Variants in MGAM observed in about 807,000 individuals in gnomAD.
MGAM encodes the protein alpha-1,4-glucosidase.
Under a neutral mutation model 358.8 loss-of-function variants are expected in MGAM, and 253 were observed. That is an observed-to-expected ratio of 0.71 (90% CI 0.64 to 0.78). The LOEUF (loss-of-function observed/expected upper bound fraction) is 0.78, where lower values mean the gene tolerates loss of function less well. Among genes scored for constraint, MGAM ranks in the 30% least tolerant of loss-of-function variants. MGAM has a pLI of 0.00. For synonymous variants in MGAM, 1,105 were observed against 1,227.1 expected, an observed-to-expected ratio of 0.90 and a Z score of 2.08; for missense variants, 3,080 against 3,432.6, an observed-to-expected ratio of 0.90 and a Z score of 2.57.
intron 45 of MGAM, among the ~76,000 whole-genome samples, chr7:142,074,545 G>C (rs1445754121): frequency 8.2e-6 from 1 of 122,126 alleles, no homozygotes; most frequent in African/African-American, 4.0e-5. Flanking sequence ...CTGCCAGTGA[G>C]GCAGTGAGAA....
chr7:142,017,000 A>G (rs1806025232), intron 3 of MGAM, among the ~76,000 whole-genome samples: 1 of 152,220 alleles, frequency 6.6e-6, no homozygotes, highest in Non-Finnish European at 1.5e-5. Context: ...TTTAAATGTA[A>G]TCTGACTATC....
chr7:142,088,652 G>GTCTATCTATCTA (rs1343995797), intron 57 of MGAM, among the ~76,000 whole-genome samples: 2 of 114,776 alleles, frequency 1.7e-5, no homozygotes. Flanking sequence ...CTTTCTATCT[G>GTCTATCTATCTA]TCTGTCTATC....
chr7:142,050,502 T>C (rs897719811), intron 23 of MGAM, among the ~76,000 whole-genome samples, 195 bp from the exon 24 acceptor site: 1 of 152,204 alleles, frequency 6.6e-6, no homozygotes, highest in African/African-American at 2.4e-5. Flanking sequence ...TAAATGCCTG[T>C]GTGTTTTTAT....
At chr7:142,035,440 A>G (rs1807900472) in intron 16 of MGAM, among the ~76,000 whole-genome samples, 1 of 152,214 alleles carries the variant, frequency 6.6e-6, no homozygotes, top group African/African-American at 2.4e-5. Flanking sequence ...GTTAAATGTT[A>G]TGGGAGATCC....
intron 47 of MGAM, among the ~76,000 whole-genome samples, chr7:142,077,441 T>G (rs1024109788): frequency 6.2e-5 from 9 of 145,362 alleles, no homozygotes; most frequent in Non-Finnish European, 6.2e-5. Context: ...TGTGATTTTA[T>G]TACTCCAGAC....
rs757768905 is a variant in MGAM at position 142,085,947 on chromosome 7, G to T, written c.6622G>T (p.Val2208Phe). The change falls in exon 55 of 71, where the codon GTC becomes TTC. Residue 2208 changes from valine to phenylalanine, a missense_variant. Around this residue, in one of 5 missense-constraint regions of MGAM, gnomAD observed 932 missense variants for 1,198.2 expected, o/e 0.78. Coordinates refer to ENST00000475668, the MANE Select transcript of MGAM (RefSeq NM_001365693.1). ...INRMKADGMR[V>F]ILILDPAISG... ...TCGCATGAAGGCTGATGGGATGCGGGTCATCCTCATTCTGGTTAGTCCTGA... is the reference window on the plus strand; with the variant it reads ...TCGCATGAAGGCTGATGGGATGCGGTTCATCCTCATTCTGGTTAGTCCTGA... 6 of 1,565,932 alleles carry T rather than the reference G, an allele frequency of 3.8e-6. 1 individual carries two copies. The South Asian group carries it at 6.7e-5, about 18-fold the overall frequency.
chr7:142,056,605 G>A (rs1429914413), intron 29 of MGAM, among the ~76,000 whole-genome samples: 1 of 152,118 alleles, frequency 6.6e-6, no homozygotes, highest in East Asian at 1.9e-4. Flanking sequence ...TTTTATAAGA[G>A]TAGAATGATA....
At position 142,013,798 on chromosome 7, in the gene MGAM, T is replaced by C. The variant is rs538415046; in HGVS notation, c.327+5093T>C. 2.0e-5 allele frequency among the ~76,000 whole-genome samples: 3 copies of C among 152,326 alleles called. No individual in the cohort carries two copies. In the South Asian group the frequency reaches 6.2e-4, roughly 32 times the overall value. The stretch of plus-strand genomic sequence containing the variant: ...TTCTTCTCTCTACCCATTACACTGG[T>C]CAGCCCACAAGCACCTGGGGCTTCT... On this transcript the variant is annotated intron_variant, in intron 3 of 70. Coordinates refer to ENST00000475668, the MANE Select transcript of MGAM (RefSeq NM_001365693.1).
At chr7:141,992,052 G>T (rs1554447466), upstream of MGAM, among the ~76,000 whole-genome samples, 1 of 152,130 alleles carries the variant, frequency 6.6e-6, no homozygotes, top group Admixed American at 6.5e-5. Flanking sequence ...ATTTGGGGTC[G>T]AATGAGAGAT....
chr7:142,033,372 G>C (rs1456253144), intron 14 of MGAM, among the ~76,000 whole-genome samples: 1 of 152,186 alleles, frequency 6.6e-6, no homozygotes, highest in Non-Finnish European at 1.5e-5. Flanking sequence ...GTCAGTGAAC[G>C]TGATGATACT....
In MGAM at chr7:142,090,104, A is replaced by G. The variant is rs569409889; in HGVS notation, c.6811-1809A>G. ...CCTGAGGCCCAGTGTGTGGGTGGTT[A>G]TATCACTGTTTGAAGACTGGAGAAA... On this transcript the variant is annotated intron_variant, in intron 57 of 70. Coordinates refer to ENST00000475668, the MANE Select transcript of MGAM (RefSeq NM_001365693.1). Among the ~76,000 whole-genome samples, 3 of 146,410 alleles carry G rather than the reference A, an allele frequency of 2.0e-5. 1 individual carries two copies. In the South Asian group the frequency reaches 6.6e-4, roughly 32 times the overall value.
chr7:142,074,268 T>A lies in MGAM; in HGVS notation c.5275+95T>A. 7 of 926,944 alleles carry A rather than the reference T, an allele frequency of 7.6e-6. 1 individual carries two copies. The highest frequency in any genetic ancestry group is 4.2e-4 in the Middle Eastern group (2 of 4,706). 57.4% of individuals were successfully genotyped at this position (926,944 alleles called of 1,614,324 possible). A position where few individuals can be genotyped will look rare whatever the true frequency, so the allele number is the denominator to read the frequency against. ...TGGTCATTCAGCTGTGGGAGAAATC[T>A]CAGCAGGCACAGTAGCAAGAGTCAC... is the stretch of plus-strand genomic sequence containing the variant. On this transcript the variant is annotated intron_variant, in intron 45 of 70. Coordinates refer to ENST00000475668, the MANE Select transcript of MGAM (RefSeq NM_001365693.1).
At chr7:142,052,527 C>T (rs1811094231) in intron 25 of MGAM, 81 bp downstream of exon 25, 2 of 1,537,056 alleles carry the variant, frequency 1.3e-6, no homozygotes, top group African/African-American at 1.4e-5. Context: ...GTGGTACTTA[C>T]ATAACTACTT....
chr7:141,998,242 C>CT (rs1166295714), intron 1 of MGAM, among the ~76,000 whole-genome samples: 2 of 151,994 alleles, frequency 1.3e-5, no homozygotes, highest in Non-Finnish European at 2.9e-5. Flanking sequence ...AGTAATAATT[C>CT]TTTTTTTAAA....
chr7:142,065,368 C>T lies in MGAM; in HGVS notation c.4518C>T (p.Val1506=), dbSNP rs1035095463. 9.3e-6 allele frequency: 15 copies of T among 1,610,390 alleles called. No homozygotes were observed. The highest frequency in any genetic ancestry group is 1.7e-4 in the Middle Eastern group (1 of 6,002). The stretch of plus-strand genomic sequence containing the variant: ...AGGAGGTGACGGGACAGCGAGGGGT[C>T]GTCATCACCCGCTCCACATTTCCCT... ...AVQEVTGQRG[V]VITRSTFPSS... The change falls in exon 38 of 71, where the codon GTC becomes GTT. Residue 1506 remains valine (V), a synonymous_variant. Transcript: ENST00000475668.
chr7:142,034,194 T>TG (rs2129006154), intron 14 of MGAM, 68 bp from the exon 15 acceptor site: 1 of 1,154,786 alleles, frequency 8.7e-7, no homozygotes, highest in African/African-American at 1.5e-5. Context: ...TCATTTCGGA[T>TG]TGTGATAGTC....
intron 1 of MGAM, among the ~76,000 whole-genome samples, chr7:141,998,105 C>A (rs1163530387): frequency 6.6e-6 from 1 of 152,076 alleles, no homozygotes; most frequent in Non-Finnish European, 1.5e-5. Flanking sequence ...AATTTGGGCC[C>A]CCATGTGGTT....
At chr7:142,045,407 A>G (rs929030279) in intron 21 of MGAM, among the ~76,000 whole-genome samples, 11 of 109,380 alleles carry the variant, frequency 1.0e-4, no homozygotes, top group African/African-American at 3.7e-4. Context: ...TATATTATAT[A>G]TATTATATAT....
rs777818988 is a variant in MGAM, at chr7:142,056,922, G to C, written c.3673G>C (p.Val1225Leu). The change falls in exon 30 of 71, where the codon GTC (valine) becomes CTC (leucine). Residue 1225 changes from valine to leucine, a missense_variant. Coordinates refer to ENST00000475668, the MANE Select transcript of MGAM (RefSeq NM_001365693.1). ...GTTCTTGGGGCCGACTCCAGAGCTT[G>C]TCACCCAGCAGTACACTGAGGTAGG... ...YVFLGPTPEL[V>L]TQQYTELIGR... is the part of the protein sequence containing the mutation. The C allele has an allele frequency of 1.9e-6, 3 of 1,613,734 alleles. No homozygotes were observed. In the African/African-American group the frequency reaches 4.0e-5, roughly 22 times the overall value.
Sources: allele counts gnomAD v4.1 joint callset (sites outside exome capture counted in the v4.1 genomes callset), GRCh38; gene constraint gnomAD v4.1.1; regional missense constraint gnomAD v4.1.1; transcripts MANE v1.5; gene names NCBI Gene and HGNC (gene_info 2026-07-23, HGNC 2026-07-21).